The following PTPRN2 variants were observed in gnomAD, a reference collection of about 807,000 sequenced individuals.
The protein encoded by PTPRN2 is protein tyrosine phosphatase receptor type N2, also known as receptor-type tyrosine-protein phosphatase N2.
A neutral mutation model predicts 118.8 loss-of-function variants in PTPRN2; 74 were observed. That is an observed-to-expected ratio of 0.62 (90% CI 0.52 to 0.76). The LOEUF (loss-of-function observed/expected upper bound fraction) is 0.76, where lower values mean the gene tolerates loss of function less well. PTPRN2 is among the 30% of genes least tolerant of loss of function. PTPRN2 has a pLI of 0.00. For synonymous variants in PTPRN2, 641 were observed against 608.0 expected, an observed-to-expected ratio of 1.05 and a Z score of -0.80; for missense variants, 1,481 against 1,394.4, an observed-to-expected ratio of 1.06 and a Z score of -0.99.
intron 13 of PTPRN2, among the ~76,000 whole-genome samples, chr7:157,675,987 G>A (rs1796648383): frequency 6.6e-6 from 1 of 152,182 alleles, no homozygotes; most frequent in Admixed American, 6.5e-5. Context: ...GGGGGTGAAA[G>A]CAGGCAGAAT....
chr7:158,410,410 C>T (rs540916425), intron 2 of PTPRN2, among the ~76,000 whole-genome samples: 95 of 152,246 alleles, frequency 6.2e-4, no homozygotes, highest in African/African-American at 1.8e-3. Context: ...GAGAATTAAT[C>T]TCCTTCTCGT....
At position 157,990,768 on chromosome 7, in the gene PTPRN2, G is replaced by A. The variant is rs1804191428; in HGVS notation, c.1723+90530C>T. On this transcript the variant is annotated intron_variant, in intron 11 of 22. Coordinates refer to ENST00000389418, the MANE Select transcript of PTPRN2 (RefSeq NM_002847.5). This position sits in a 1 kb window ranked among gnomAD's most constrained non-coding sequence, Gnocchi z 4.3. ...GACTAGGACACTGGAATGTCACCGA[G>A]CTTCCCTCCGATACAGTGGGAGGGA... Among the ~76,000 whole-genome samples the A allele has an allele frequency of 3.9e-5, 6 of 152,208 alleles. No homozygotes were observed. Among genetic ancestry groups the A allele is most frequent in the Admixed American group, 3.9e-4 (6 of 15,282 alleles).
At chr7:158,136,805 T>C (rs1818864716) in intron 7 of PTPRN2, 110 bp from the exon 8 acceptor site, 5 of 996,116 alleles carry the variant, frequency 5.0e-6, no homozygotes, top group Non-Finnish European at 7.9e-6. Flanking sequence ...AGGTGAGGTG[T>C]GATGACGCTG....
At chr7:158,286,530 C>G (rs1185600082) in intron 3 of PTPRN2, among the ~76,000 whole-genome samples, 18 of 152,154 alleles carry the variant, frequency 1.2e-4, no homozygotes, top group Admixed American at 1.0e-3. Flanking sequence ...ATCCCTTCTA[C>G]AGTATATCTA....
intron 3 of PTPRN2, among the ~76,000 whole-genome samples, chr7:158,252,872 C>T (rs117081689): frequency 0.015 from 2,304 of 152,206 alleles, 34 homozygotes; most frequent in Middle Eastern, 0.037. Flanking sequence ...ATTAACATGC[C>T]GGAAAACGAC....
intron 12 of PTPRN2, among the ~76,000 whole-genome samples, chr7:157,754,081 C>A (rs1450995198): frequency 2.0e-5 from 3 of 152,212 alleles, no homozygotes; most frequent in Non-Finnish European, 4.4e-5. Flanking sequence ...TCTGTGGCAA[C>A]CCAGGAAGGA....
rs1378496491 is a variant in PTPRN2, at chr7:158,441,349, G to GTAA, written c.163+48385_163+48386insTTA. Among the ~76,000 whole-genome samples the GTAA allele has an allele frequency of 2.0e-5, 3 of 147,824 alleles. No homozygotes were observed. In the East Asian group the frequency reaches 6.0e-4, roughly 29 times the overall value. On this transcript the variant is annotated intron_variant, in intron 2 of 22. Transcript: ENST00000389418. ...GTGATGGTGATGGTGATCAGTGATG[G>GTAA]TGGTGATGGTGATGGCAGTGGTGGC...
chr7:157,623,343 G>A (rs968521279), intron 14 of PTPRN2, among the ~76,000 whole-genome samples: 6 of 152,170 alleles, frequency 3.9e-5, no homozygotes, highest in African/African-American at 9.7e-5. Flanking sequence ...TTGGGCTTAC[G>A]TAGAGTTCTA....
At chr7:157,968,171 T>C (rs1314215353) in intron 11 of PTPRN2, among the ~76,000 whole-genome samples, 1 of 152,108 alleles carries the variant, frequency 6.6e-6, no homozygotes, top group Non-Finnish European at 1.5e-5. Context: ...TCACATGGTG[T>C]TTTATGGTTT....
intron 6 of PTPRN2, among the ~76,000 whole-genome samples, chr7:158,143,798 C>T (rs1186407232): frequency 6.6e-6 from 1 of 152,168 alleles, no homozygotes; most frequent in Non-Finnish European, 1.5e-5. Context: ...TCCAAAGATC[C>T]CTTCTGCCCT....
At chr7:158,124,005 G>A (rs190356589) in intron 9 of PTPRN2, among the ~76,000 whole-genome samples, 100 of 149,144 alleles carry the variant, frequency 6.7e-4, no homozygotes, top group South Asian at 5.9e-3. Context: ...CGACCCAGGC[G>A]GAGCTGGTTC....
intron 3 of PTPRN2, among the ~76,000 whole-genome samples, chr7:158,293,611 T>C (rs1428124039): frequency 6.6e-6 from 1 of 152,186 alleles, no homozygotes; most frequent in Non-Finnish European, 1.5e-5. Context: ...ACTTTATAAA[T>C]GTTTTAACTA....
chr7:157,870,273 T>A (rs1810970944), intron 12 of PTPRN2, among the ~76,000 whole-genome samples: 1 of 152,222 alleles, frequency 6.6e-6, no homozygotes, highest in South Asian at 2.1e-4. Flanking sequence ...TCTCTCCAAT[T>A]AGGATATAAA....
Position 157,642,882 on chromosome 7 carries a change from T to C in PTPRN2, c.2196+13475A>G, listed in dbSNP as rs141190424. On this transcript the variant is annotated intron_variant, in intron 14 of 22. Transcript: ENST00000389418. Reference sequence around the variant, plus strand: ...CAGGGCTGCGGGACAGTGGGTGCCATTTACCTAAGCCAATCGCCCCGGCAG... The same window carrying C: ...CAGGGCTGCGGGACAGTGGGTGCCACTTACCTAAGCCAATCGCCCCGGCAG... Among the ~76,000 whole-genome samples, 12 of 135,370 alleles carry C rather than the reference T, an allele frequency of 8.9e-5. 1 individual carries two copies. The highest frequency in any genetic ancestry group is 3.0e-4 in the African/African-American group (11 of 36,212). 88.8% of individuals were successfully genotyped at this position (135,370 alleles called of 152,430 possible). A position where few individuals can be genotyped will look rare whatever the true frequency, so the allele number is the denominator to read the frequency against.
At chr7:157,661,940 T>C (rs551975095) in intron 13 of PTPRN2, among the ~76,000 whole-genome samples, 1 of 152,334 alleles carries the variant, frequency 6.6e-6, no homozygotes, top group East Asian at 1.9e-4. Flanking sequence ...GGGGCCACCA[T>C]GGACGCCTCC....
rs1305383343 is a variant in PTPRN2 at position 157,609,629 on chromosome 7, C to T, written c.2345-5554G>A. On this transcript the variant is annotated intron_variant, in intron 15 of 22. Coordinates refer to ENST00000389418, the MANE Select transcript of PTPRN2 (RefSeq NM_002847.5). The surrounding 1 kb of genome is among the most constrained non-coding windows in gnomAD (Gnocchi z 4.9). The stretch of plus-strand genomic sequence containing the variant: ...CAGGGTTTGACTCCCAGCCCCACTG[C>T]TTGCCAGCGGGCGATCCTGGGTAAA... Among the ~76,000 whole-genome samples, 1 of 152,202 alleles carries T rather than the reference C, an allele frequency of 6.6e-6. No individual in the cohort carries two copies. Among genetic ancestry groups the T allele is most frequent in the Non-Finnish European group, 1.5e-5 (1 of 68,034 alleles).
chr7:158,118,466 T>A (rs532891875), intron 9 of PTPRN2, among the ~76,000 whole-genome samples: 4 of 152,236 alleles, frequency 2.6e-5, no homozygotes, highest in Non-Finnish European at 4.4e-5. Context: ...CAAAAGAAGA[T>A]AGTAATGCAG....
intron 12 of PTPRN2, among the ~76,000 whole-genome samples, chr7:157,821,753 C>A (rs918564011): frequency 1.3e-5 from 2 of 152,062 alleles, no homozygotes; most frequent in Non-Finnish European, 2.9e-5. Context: ...GGGGAGAATG[C>A]AAACAGGAAG....
At position 158,381,737 on chromosome 7, in the gene PTPRN2, G is replaced by A. The variant is rs181673203; in HGVS notation, c.164-64805C>T. 7.9e-5 allele frequency among the ~76,000 whole-genome samples: 12 copies of A among 152,232 alleles called. No homozygotes were observed. In the East Asian group the frequency reaches 1.2e-3, roughly 15 times the overall value. On this transcript the variant is annotated intron_variant, in intron 2 of 22. Coordinates refer to ENST00000389418, the MANE Select transcript of PTPRN2 (RefSeq NM_002847.5). Reference sequence around the variant, plus strand: ...TCATGCTGTTGATAAAGACATACCCGAGACTGGGTAATTTATACAGGAAAG... The same window carrying A: ...TCATGCTGTTGATAAAGACATACCCAAGACTGGGTAATTTATACAGGAAAG...
Sources: gnomAD v4.1 joint callset for allele counts (sites outside exome capture counted in the v4.1 genomes callset) on GRCh38, gnomAD v4.1.1 for gene constraint, Gnocchi (gnomAD v3.1) non-coding constraint, MANE v1.5 for transcripts, NCBI Gene and HGNC (gene_info 2026-07-23, HGNC 2026-07-21) for gene names.